The following PDZD8 variants were observed in gnomAD, a reference collection of about 807,000 sequenced individuals.
PDZD8 encodes PDZ domain containing 8.
In PDZD8, 14 loss-of-function variants were observed where a neutral mutation model predicts 85.8. The ratio of observed to expected loss-of-function variants is 0.16; its 90% CI spans 0.11 to 0.26. The LOEUF (loss-of-function observed/expected upper bound fraction) is 0.26. Ranked by LOEUF, PDZD8 falls within the 10% of genes least tolerant of loss-of-function variation. The pLI, the probability that PDZD8 is intolerant of heterozygous loss-of-function variation, is 1.00. For missense variants in PDZD8, 1,197 were observed against 1,424.3 expected, an observed-to-expected ratio of 0.84 and a Z score of 2.57; for synonymous variants, 592 against 568.6, an observed-to-expected ratio of 1.04 and a Z score of -0.59.
Position 117,341,018 on chromosome 10 carries a change from A to C in PDZD8, c.957T>G (p.Thr319=), listed in dbSNP as rs1844602940. The C allele has an allele frequency of 6.2e-7, 1 of 1,613,976 alleles. No individual in the cohort carries two copies. The highest frequency in any genetic ancestry group is 8.5e-7 in the Non-Finnish European group (1 of 1,179,946). ...EHIHIQQWAL[T]EGRLKVTLLE... ...ACAACGTAACTTTAAGACGGCCTTC[A>C]GTAAGTGCCCATTGTTGTATATGGA... is the stretch of plus-strand genomic sequence containing the variant. The change falls in exon 2 of 5, where the codon ACT becomes ACG. Residue 319 remains threonine (T), a synonymous_variant. Coordinates refer to ENST00000334464, the MANE Select transcript of PDZD8 (RefSeq NM_173791.5).
At chr10:117,317,233 G>T (rs1329338103) in intron 3 of PDZD8, among the ~76,000 whole-genome samples, 1 of 152,082 alleles carries the variant, frequency 6.6e-6, no homozygotes, top group Non-Finnish European at 1.5e-5. Context: ...TTTATACAAA[G>T]ATAGCATCCT....
Position 117,374,203 on chromosome 10 carries a change from G to A in PDZD8, c.872+153C>T, listed in dbSNP as rs567042518. Among the ~76,000 whole-genome samples, 13 of 152,330 alleles carry A rather than the reference G, an allele frequency of 8.5e-5. No individual in the cohort carries two copies. The highest frequency in any genetic ancestry group is 2.9e-4 in the African/African-American group (12 of 41,568). On this transcript the variant is annotated intron_variant, in intron 1 of 4. Transcript: ENST00000334464. This position sits in a 1 kb window ranked among gnomAD's most constrained non-coding sequence, Gnocchi z 7.8. ...GTTCGGAAGCAAAGCAAGTGTTCAC[G>A]ACTCGCCTTGATCTGGGGCCCTGTC...
At chr10:117,302,697 CAT>C (rs1176764113) in intron 3 of PDZD8, among the ~76,000 whole-genome samples, 2 of 152,156 alleles carry the variant, frequency 1.3e-5, no homozygotes, top group Non-Finnish European at 2.9e-5. Context: ...CCAGAATTCA[CAT>C]ATGTTGTGGG....
chr10:117,365,697 G>A (rs527369312), intron 1 of PDZD8, among the ~76,000 whole-genome samples: 1 of 152,224 alleles, frequency 6.6e-6, no homozygotes, highest in Non-Finnish European at 1.5e-5. Flanking sequence ...GCCAGTCTTA[G>A]CAATTTGGCA....
chr10:117,361,159 TG>T (rs1589593304), intron 1 of PDZD8, among the ~76,000 whole-genome samples: 1 of 152,284 alleles, frequency 6.6e-6, no homozygotes, highest in East Asian at 1.9e-4. Flanking sequence ...TGACTTGACT[TG>T]GTAGACTGCC....
chr10:117,293,942 T>A (rs1266485524), intron 3 of PDZD8, among the ~76,000 whole-genome samples: 1 of 152,076 alleles, frequency 6.6e-6, no homozygotes, highest in Non-Finnish European at 1.5e-5. Context: ...ACAACACACT[T>A]CTAAATAATT....
chr10:117,306,584 G>A (rs1412584759), intron 3 of PDZD8, among the ~76,000 whole-genome samples: 3 of 151,826 alleles, frequency 2.0e-5, no homozygotes, highest in African/African-American at 7.3e-5. Flanking sequence ...ACTTCATATA[G>A]TATCACTCTA....
rs78221591 is a variant in PDZD8, at chr10:117,315,602, A to C, written c.1098+3270T>G. ...TAGACTCTCTCAAAAAAAAAAAAAAAAAAAAAAAAACAATAATCTATTTTG... is the reference window on the plus strand; with the variant it reads ...TAGACTCTCTCAAAAAAAAAAAAAACAAAAAAAAAACAATAATCTATTTTG... On this transcript the variant is annotated intron_variant, in intron 3 of 4. Transcript: ENST00000334464. Among the ~76,000 whole-genome samples the C allele has an allele frequency of 4.6e-3, 658 of 143,402 alleles. 8 individuals are homozygous for C. Among genetic ancestry groups the C allele is most frequent in the African/African-American group, 0.014 (566 of 39,394 alleles). The allele number at this position is 143,402 out of a possible 152,430, so 94.1% of individuals were successfully genotyped here. A position where few individuals can be genotyped will look rare whatever the true frequency, so the allele number is the denominator to read the frequency against.
intron 2 of PDZD8, among the ~76,000 whole-genome samples, chr10:117,336,814 A>T (rs1188979501): frequency 6.6e-6 from 1 of 152,074 alleles, no homozygotes; most frequent in African/African-American, 2.4e-5. Flanking sequence ...ACTAAGAATA[A>T]GGGAAGACTC....
intron 1 of PDZD8, 141 bp from the exon 2 acceptor site, chr10:117,341,243 A>T: frequency 1.2e-6 from 1 of 841,498 alleles, no homozygotes; most frequent in Non-Finnish European, 1.8e-6. Flanking sequence ...AGCTTACCAC[A>T]CTCCCCCATA....
In PDZD8 at chr10:117,341,045, A is replaced by C. The variant is rs1251621691; in HGVS notation, c.930T>G (p.His310Gln). 1 of 1,613,154 alleles carries C rather than the reference A, an allele frequency of 6.2e-7. No homozygotes were observed. Among genetic ancestry groups the C allele is most frequent in the Non-Finnish European group, 8.5e-7 (1 of 1,179,184 alleles). Residue 310 changes from histidine to glutamine, a missense_variant, in exon 2 of 5, where the codon CAT becomes CAG. This residue lies in a region of PDZD8 where 344 missense variants were observed against 453.6 expected (regional missense o/e 0.76). Transcript: ENST00000334464. ...TLQGFEEDEEHIHIQQWALTE... is the reference protein window; with the variant it reads ...TLQGFEEDEEQIHIQQWALTE... ...TAAGTGCCCATTGTTGTATATGGAT[A>C]TGCTCTTCATCTTCTTCAAATCCTT...
chr10:117,318,770 G>A (rs1213922685), intron 3 of PDZD8, 102 bp downstream of exon 3: 2 of 776,124 alleles, frequency 2.6e-6, no homozygotes, highest in African/African-American at 1.8e-5. Context: ...ATAGCTATTT[G>A]CACATGACCA....
Position 117,366,438 on chromosome 10 carries a change from G to GT in PDZD8, c.872+7917dup, listed in dbSNP as rs541124874. On this transcript the variant is annotated intron_variant, in intron 1 of 4. Coordinates refer to ENST00000334464, the MANE Select transcript of PDZD8 (RefSeq NM_173791.5). ...TATAGCTTCTTTTTTGGTAAACATT[G>GT]TAACTGTTGAGGGGGGTGTATTTTT... Among the ~76,000 whole-genome samples the GT allele has an allele frequency of 4.6e-5, 7 of 152,134 alleles. No homozygotes were observed. The South Asian group carries it at 1.0e-3, about 23-fold the overall frequency.
chr10:117,370,663 G>A (rs1845173049), intron 1 of PDZD8, among the ~76,000 whole-genome samples: 1 of 152,082 alleles, frequency 6.6e-6, no homozygotes, highest in Non-Finnish European at 1.5e-5. Context: ...CCAACATGGT[G>A]AAACCTGTCT....
chr10:117,309,351 TATTA>T (rs535685040), intron 3 of PDZD8, among the ~76,000 whole-genome samples: 20 of 151,738 alleles, frequency 1.3e-4, no homozygotes, highest in African/African-American at 4.4e-4. Context: ...GCATTCAACT[TATTA>T]GTTAAGATAC....
chr10:117,290,896 G>A (rs1844748835), intron 3 of PDZD8, among the ~76,000 whole-genome samples: 1 of 143,236 alleles, frequency 7.0e-6, no homozygotes, highest in Non-Finnish European at 1.5e-5. Flanking sequence ...TTGAGACAGG[G>A]TCTCACTCTG....
chr10:117,310,082 T>C (rs569659160), intron 3 of PDZD8, among the ~76,000 whole-genome samples: 1 of 152,172 alleles, frequency 6.6e-6, no homozygotes, highest in South Asian at 2.1e-4. Flanking sequence ...CATAACTTCC[T>C]ATGCTATCAT....
At chr10:117,288,999 TA>T (rs778798892) in intron 4 of PDZD8, among the ~76,000 whole-genome samples, 1 of 152,206 alleles carries the variant, frequency 6.6e-6, no homozygotes, top group Non-Finnish European at 1.5e-5. Flanking sequence ...ACCAAAATAT[TA>T]AATGATATTA....
At chr10:117,339,873 T>C (rs1381100565) in intron 2 of PDZD8, among the ~76,000 whole-genome samples, 3 of 152,170 alleles carry the variant, frequency 2.0e-5, no homozygotes, top group Non-Finnish European at 4.4e-5. Flanking sequence ...GCTGGAGAGC[T>C]AAGAGGAACC....
Sources: allele counts gnomAD v4.1 joint callset (sites outside exome capture counted in the v4.1 genomes callset), GRCh38; gene constraint gnomAD v4.1.1; regional missense constraint gnomAD v4.1.1; non-coding constraint Gnocchi (gnomAD v3.1); transcripts MANE v1.5; gene names NCBI Gene and HGNC (gene_info 2026-07-23, HGNC 2026-07-21).